The following NPR2 variants were observed in gnomAD, a reference collection of about 807,000 sequenced individuals.
NPR2 encodes the protein atrial natriuretic peptide receptor 2.
Under a neutral mutation model 120.7 loss-of-function variants are expected in NPR2, and 49 were observed. The observed-to-expected ratio is 0.41, with a 90% CI of 0.32 to 0.52. NPR2 has a LOEUF of 0.52. Among genes scored for constraint, NPR2 ranks in the 20% least tolerant of loss-of-function variants. The pLI, the probability that NPR2 is intolerant of heterozygous loss-of-function variation, is 0.36. For synonymous variants in NPR2, 484 were observed against 519.8 expected (o/e 0.93, Z 0.94); for missense variants, 931 against 1,362.9 (o/e 0.68, Z 4.99).
chr9:35,794,143 G>A (rs1473288607), intron 2 of NPR2, 40 bp downstream of exon 2: 2 of 1,576,246 alleles, frequency 1.3e-6, no homozygotes, highest in Non-Finnish European at 8.7e-7. Flanking sequence ...GGGGGAAGAG[G>A]TGCTTCGCTG....
rs1162011392 is a variant in NPR2, at chr9:35,800,706, C to T, written c.1219-3C>T. ...GTGGGCCCAGCTTTTTGCTTCCTTA[C>T]AGCCTGCAGCCCACTACTCGGGAGC... On this transcript the variant is annotated splice_region_variant and splice_polypyrimidine_tract_variant and intron_variant, in intron 5 of 21. Transcript: ENST00000342694. This position sits in a 1 kb window ranked among gnomAD's most constrained non-coding sequence, Gnocchi z 4.7. 1.2e-6 allele frequency: 2 copies of T among 1,614,186 alleles called. No individual in the cohort carries two copies. The highest frequency in any genetic ancestry group is 1.1e-5 in the South Asian group (1 of 91,080).
intron 18 of NPR2, 25 bp downstream of exon 18, chr9:35,807,423 T>A: frequency 6.4e-7 from 1 of 1,564,834 alleles, no homozygotes; most frequent in African/African-American, 1.3e-5. Flanking sequence ...CGCTGTTCAA[T>A]AGAAGACCCT....
At position 35,808,868 on chromosome 9, in the gene NPR2, C is replaced by T; in HGVS notation, c.2986+15C>T. ...TAATGGTCAAGGTAAGACATTAGCC[C>T]TCAACCCCACTGTTGGCCTCAATTT... On this transcript the variant is annotated intron_variant, in intron 20 of 21. Coordinates refer to ENST00000342694, the MANE Select transcript of NPR2 (RefSeq NM_003995.4). The surrounding 1 kb of genome is among the most constrained non-coding windows in gnomAD (Gnocchi z 4.0). The T allele has an allele frequency of 1.4e-6, 2 of 1,420,832 alleles. No individual in the cohort carries two copies. Among genetic ancestry groups the T allele is most frequent in the South Asian group, 1.1e-5 (1 of 87,386 alleles). 88.0% of individuals were successfully genotyped at this position (1,420,832 alleles called of 1,614,324 possible).
intron 2 of NPR2, among the ~76,000 whole-genome samples, chr9:35,794,998 C>T (rs1357357840): frequency 1.3e-5 from 2 of 152,128 alleles, no homozygotes; most frequent in Non-Finnish European, 2.9e-5. Flanking sequence ...GAAAGAAACG[C>T]ATTTCAGATT....
chr9:35,796,870 CAG>C (rs1588054661), intron 2 of NPR2, among the ~76,000 whole-genome samples: 1 of 152,160 alleles, frequency 6.6e-6, no homozygotes, highest in East Asian at 1.9e-4. Context: ...GCCTTTCTCC[CAG>C]AGACACTGGC....
Position 35,808,971 on chromosome 9 carries a change from C to T in NPR2, c.2986+118C>T, listed in dbSNP as rs987444571. 9.1e-5 allele frequency: 85 copies of T among 936,664 alleles called. No individual in the cohort carries two copies. Among genetic ancestry groups the T allele is most frequent in the Non-Finnish European group, 1.3e-4 (76 of 569,812 alleles). The allele number at this position is 936,664 out of a possible 1,614,324, so 58.0% of individuals were successfully genotyped here. A position where few individuals can be genotyped will look rare whatever the true frequency, so the allele number is the denominator to read the frequency against. On this transcript the variant is annotated intron_variant, in intron 20 of 21. Transcript: ENST00000342694. This position sits in a 1 kb window ranked among gnomAD's most constrained non-coding sequence, Gnocchi z 4.0. ...CCACAGTTCCTTAGTGTCGCATCCT[C>T]GGGCATATTTTGGTTCTAATAGATA... is the stretch of plus-strand genomic sequence containing the variant.
At position 35,807,354 on chromosome 9, in the gene NPR2, T is replaced by C. The variant is rs1406575071; in HGVS notation, c.2668T>C (p.Tyr890His). 1 of 1,613,752 alleles carries C rather than the reference T, an allele frequency of 6.2e-7. No homozygotes were observed. The highest frequency in any genetic ancestry group is 8.5e-7 in the Non-Finnish European group (1 of 1,179,772). ...MQVVTLLNDL[Y>H]TCFDAIIDNF... The stretch of plus-strand genomic sequence containing the variant: ...GGTAGTGACACTTCTTAATGACCTG[T>C]ATACCTGCTTTGATGCCATAATTGA... Residue 890 changes from tyrosine (Y) to histidine (H), a missense_variant, in exon 18 of 22, where the codon TAT becomes CAT. Tyr to His is a moderately conservative substitution (Grantham distance 83, BLOSUM62 2). Coordinates refer to ENST00000342694, the MANE Select transcript of NPR2 (RefSeq NM_003995.4).
Position 35,806,376 on chromosome 9 carries a change from C to T in NPR2, c.2373-16C>T, listed in dbSNP as rs1403829665. ...CAGAATCTTAGAGCAAGTGCCTTAT[C>T]CTGGCCTCCCTCTAGGGAGGGTGGC... On this transcript the variant is annotated splice_polypyrimidine_tract_variant and intron_variant, in intron 15 of 21. Transcript: ENST00000342694. This position sits in a 1 kb window ranked among gnomAD's most constrained non-coding sequence, Gnocchi z 4.6. The T allele has an allele frequency of 6.2e-7, 1 of 1,613,436 alleles. No individual in the cohort carries two copies. Among genetic ancestry groups the T allele is most frequent in the South Asian group, 1.1e-5 (1 of 91,052 alleles).
chr9:35,792,244 C>A lies in NPR2; in HGVS notation c.-165C>A. 1 of 697,516 alleles carries A rather than the reference C, an allele frequency of 1.4e-6. No homozygotes were observed. The highest frequency in any genetic ancestry group is 2.9e-5 in the Admixed American group (1 of 34,214). The allele number at this position is 697,516 out of a possible 1,614,324, so 43.2% of individuals were successfully genotyped here. On this transcript the variant is annotated 5_prime_UTR_variant, in exon 1 of 22. Coordinates refer to ENST00000342694, the MANE Select transcript of NPR2 (RefSeq NM_003995.4). The stretch of plus-strand genomic sequence containing the variant: ...CCCCCCGCCTTCCTCCCATCTCCCC[C>A]TCCTCTCCCCGGCCCCCAGCACCTT...
At chr9:35,794,566 G>T (rs1394147593) in intron 2 of NPR2, among the ~76,000 whole-genome samples, 1 of 152,186 alleles carries the variant, frequency 6.6e-6, no homozygotes, top group Non-Finnish European at 1.5e-5. Flanking sequence ...GTTTAGGGAA[G>T]GCTTTTACAC....
rs1346041428 is a variant in NPR2 at position 35,791,658 on chromosome 9, G to T, written c.-751G>T. ...CGGGCCGAGGCGACCTGACCCGGAC[G>T]AGCGGCGCGCGCGGGGCCCAGGCGG... On this transcript the variant is annotated 5_prime_UTR_variant, in exon 1 of 22. Coordinates refer to ENST00000342694, the MANE Select transcript of NPR2 (RefSeq NM_003995.4). 2.0e-5 allele frequency among the ~76,000 whole-genome samples: 3 copies of T among 146,384 alleles called. No individual in the cohort carries two copies. Among genetic ancestry groups the T allele is most frequent in the African/African-American group, 7.5e-5 (3 of 39,852 alleles).
At chr9:35,797,824 G>A (rs1827990367) in intron 2 of NPR2, among the ~76,000 whole-genome samples, 1 of 152,022 alleles carries the variant, frequency 6.6e-6, no homozygotes, top group South Asian at 2.1e-4. Flanking sequence ...AGCAGTTTAG[G>A]GGGACCATGG....
intron 2 of NPR2, 88 bp downstream of exon 2, chr9:35,794,191 A>C: frequency 7.8e-7 from 1 of 1,285,250 alleles, no homozygotes; most frequent in Non-Finnish European, 1.1e-6. Context: ...AAACCCTAGG[A>C]ACCAGGCAGG....
chr9:35,808,141 C>T lies in NPR2; in HGVS notation c.2713-368C>T. ...CCTCCTCTCTGACAGTTTGGGCTGT[C>T]AGGTCCATTTCACTGGGCCTGCTTT... On this transcript the variant is annotated intron_variant, in intron 18 of 21. Coordinates refer to ENST00000342694, the MANE Select transcript of NPR2 (RefSeq NM_003995.4). This position sits in a 1 kb window ranked among gnomAD's most constrained non-coding sequence, Gnocchi z 4.0. The T allele has an allele frequency of 6.5e-7, 1 of 1,527,928 alleles. No homozygotes were observed. Among genetic ancestry groups the T allele is most frequent in the Non-Finnish European group, 9.1e-7 (1 of 1,101,914 alleles). The allele number at this position is 1,527,928 out of a possible 1,614,324, so 94.6% of individuals were successfully genotyped here.
Position 35,802,707 on chromosome 9 carries a change from C to A in NPR2, c.1816-25C>A. 2 of 1,574,464 alleles carry A rather than the reference C, an allele frequency of 1.3e-6. No homozygotes were observed. Among genetic ancestry groups the A allele is most frequent in the Non-Finnish European group, 1.7e-6 (2 of 1,143,842 alleles). On this transcript the variant is annotated intron_variant, in intron 11 of 21. Transcript: ENST00000342694. This position sits in a 1 kb window ranked among gnomAD's most constrained non-coding sequence, Gnocchi z 4.2. ...TGATAGCTGGTGGGACCAGGACAGA[C>A]AGTCTATTCCATGTCACTTACCAGG...
At position 35,792,698 on chromosome 9, in the gene NPR2, T is replaced by C. The variant is rs760351665; in HGVS notation, c.290T>C (p.Leu97Ser). 6.2e-7 allele frequency: 1 copy of C among 1,614,030 alleles called. No individual in the cohort carries two copies. Among genetic ancestry groups the C allele is most frequent in the Middle Eastern group, 1.6e-4 (1 of 6,084 alleles). Residue 97 changes from leucine (L) to serine (S), a missense_variant, in exon 1 of 22, where the codon TTA becomes TCA. By Grantham distance (145) the Leu-to-Ser change is moderately radical (BLOSUM62 -2). Coordinates refer to ENST00000342694, the MANE Select transcript of NPR2 (RefSeq NM_003995.4). Reference sequence around the variant, plus strand: ...CTGTACCATGACCCCGACCTGCTGTTAGGTCCCGGTTGCGTGTACCCTGCT... The same window carrying C: ...CTGTACCATGACCCCGACCTGCTGTCAGGTCCCGGTTGCGTGTACCCTGCT... The part of the protein sequence containing the change: ...LKLYHDPDLL[L>S]GPGCVYPAAS...
chr9:35,793,126 C>T (rs1827840653), intron 1 of NPR2, 51 bp downstream of exon 1: 1 of 1,515,112 alleles, frequency 6.6e-7, no homozygotes. Context: ...GTCGCTGTGT[C>T]CCTAAAGCTC....
Position 35,808,128 on chromosome 9 carries a change from C to T in NPR2, c.2713-381C>T, listed in dbSNP as rs1828511458. 1 of 1,405,772 alleles carries T rather than the reference C, an allele frequency of 7.1e-7. No individual in the cohort carries two copies. Among genetic ancestry groups the T allele is most frequent in the Non-Finnish European group, 1.0e-6 (1 of 991,578 alleles). 87.1% of individuals were successfully genotyped at this position (1,405,772 alleles called of 1,614,324 possible). A position where few individuals can be genotyped will look rare whatever the true frequency, so the allele number is the denominator to read the frequency against. ...AAATGCCTGCTTTCCTCCTCTCTGA[C>T]AGTTTGGGCTGTCAGGTCCATTTCA... On this transcript the variant is annotated intron_variant, in intron 18 of 21. Coordinates refer to ENST00000342694, the MANE Select transcript of NPR2 (RefSeq NM_003995.4). The surrounding 1 kb of genome is among the most constrained non-coding windows in gnomAD (Gnocchi z 4.0).
chr9:35,807,542 C>A, intron 18 of NPR2, 144 bp downstream of exon 18: 2 of 743,468 alleles, frequency 2.7e-6, no homozygotes, highest in Admixed American at 2.0e-5. Flanking sequence ...CTGGAGTGTA[C>A]TTCGTAGACA....
Sources: allele counts gnomAD v4.1 joint callset (sites outside exome capture counted in the v4.1 genomes callset), GRCh38; gene constraint gnomAD v4.1.1; non-coding constraint Gnocchi (gnomAD v3.1); transcripts MANE v1.5; gene names NCBI Gene and HGNC (gene_info 2026-07-23, HGNC 2026-07-21).